The following UQCC1 variants were observed in gnomAD, a reference collection of about 807,000 sequenced individuals.
UQCC1 encodes bFGF-repressed Zic-binding protein.
Under a neutral mutation model 48.0 loss-of-function variants are expected in UQCC1, and 38 were observed. The ratio of observed to expected loss-of-function variants is 0.79; its 90% CI spans 0.61 to 1.04. UQCC1 has a LOEUF of 1.04. Among genes scored for constraint, UQCC1 ranks in the 50% least tolerant of loss-of-function variants. The pLI is 0.00. For missense variants in UQCC1, 368 were observed against 381.8 expected (o/e 0.96, Z 0.30); for synonymous variants, 111 against 129.2 (o/e 0.86, Z 0.95).
At chr20:35,306,099 C>T (rs909302452) in intron 9 of UQCC1, among the ~76,000 whole-genome samples, 4 of 152,130 alleles carry the variant, frequency 2.6e-5, no homozygotes, top group Non-Finnish European at 4.4e-5. Flanking sequence ...GTAAGCAGCC[C>T]CCACTGCGGA....
intron 2 of UQCC1, chr20:35,386,220 T>C: frequency 2.6e-6 from 1 of 391,370 alleles, no homozygotes; most frequent in African/African-American, 2.2e-5. Context: ...ATAGCCAAAA[T>C]AATTCTGGCA....
chr20:35,404,402 T>G (rs1229451461), intron 1 of UQCC1, among the ~76,000 whole-genome samples: 2 of 142,664 alleles, frequency 1.4e-5, no homozygotes, highest in African/African-American at 2.7e-5. Context: ...TAGCCGGGCA[T>G]GGTGGCAGGC....
At chr20:35,399,038 G>A (rs1221313172) in intron 1 of UQCC1, among the ~76,000 whole-genome samples, 1 of 152,106 alleles carries the variant, frequency 6.6e-6, no homozygotes, top group African/African-American at 2.4e-5. Context: ...GTAATCCCAA[G>A]TCTGCCATCA....
chr20:35,403,356 T>C (rs2062197507), intron 1 of UQCC1, among the ~76,000 whole-genome samples: 1 of 152,144 alleles, frequency 6.6e-6, no homozygotes, highest in Non-Finnish European at 1.5e-5. Context: ...TAGACATATA[T>C]ATATTTCCTA....
At chr20:35,350,284 T>C (rs1363894981) in intron 6 of UQCC1, among the ~76,000 whole-genome samples, 1 of 152,192 alleles carries the variant, frequency 6.6e-6, no homozygotes, top group Admixed American at 6.5e-5. Flanking sequence ...TGAGCCACTG[T>C]GCCTGGCCTG....
intron 6 of UQCC1, among the ~76,000 whole-genome samples, chr20:35,352,752 A>T (rs999085904): frequency 1.3e-5 from 2 of 152,176 alleles, no homozygotes; most frequent in African/African-American, 4.8e-5. Context: ...ATACAATCAC[A>T]TCTCACTGTA....
intron 8 of UQCC1, among the ~76,000 whole-genome samples, chr20:35,313,234 G>A (rs2061013478): frequency 6.6e-6 from 1 of 151,774 alleles, no homozygotes; most frequent in African/African-American, 2.4e-5. Context: ...AAATTAGCCG[G>A]GTGTGGTGGC....
intron 7 of UQCC1, among the ~76,000 whole-genome samples, chr20:35,320,545 T>A (rs1293868286): frequency 6.6e-6 from 1 of 152,186 alleles, no homozygotes; most frequent in Non-Finnish European, 1.5e-5. Context: ...TAAGAAATGC[T>A]AATGTGGTCT....
intron 2 of UQCC1, chr20:35,386,424 A>G (rs1200212469): frequency 2.3e-6 from 1 of 443,512 alleles, no homozygotes; most frequent in Admixed American, 2.6e-5. Flanking sequence ...TAATTGTGGA[A>G]TGTTACTATT....
At chr20:35,402,615 A>AATAT (rs1158481005) in intron 1 of UQCC1, among the ~76,000 whole-genome samples, 1 of 129,948 alleles carries the variant, frequency 7.7e-6, no homozygotes, top group African/African-American at 2.9e-5. Flanking sequence ...AAACAAACAA[A>AATAT]ATATATATAT....
chr20:35,313,152 A>G (rs1165271961), intron 8 of UQCC1, among the ~76,000 whole-genome samples: 1 of 152,036 alleles, frequency 6.6e-6, no homozygotes, highest in Non-Finnish European at 1.5e-5. Flanking sequence ...CGAGGCGGGC[A>G]GATCACAAGG....
At chr20:35,342,386 G>A (rs1263547819) in intron 7 of UQCC1, among the ~76,000 whole-genome samples, 2 of 152,158 alleles carry the variant, frequency 1.3e-5, no homozygotes, top group Admixed American at 1.3e-4. Context: ...TAATTTTTAT[G>A]TTTGTTTTTT....
chr20:35,327,722 G>C (rs950092001), intron 7 of UQCC1, among the ~76,000 whole-genome samples: 2 of 152,188 alleles, frequency 1.3e-5, no homozygotes, highest in Admixed American at 1.3e-4. Context: ...TGACAGAGCC[G>C]GGTGCAGTGG....
chr20:35,409,472 G>GA (rs76230585), intron 1 of UQCC1: 1,102 of 126,042 alleles, frequency 8.7e-3, no homozygotes, highest in South Asian at 0.027. Context: ...CTCCGTCTCA[G>GA]AAAAAAAAAA....
chr20:35,363,283 G>T lies in UQCC1; in HGVS notation c.464+3274C>A, dbSNP rs557218251. On this transcript the variant is annotated intron_variant, in intron 6 of 9. Transcript: ENST00000374385. ...GTGTGGGCATGATGCCAGTGGCCAA[G>T]ACAGGATATAGGGGAGGAGGCCTGC... Among the ~76,000 whole-genome samples, 5 of 152,300 alleles carry T rather than the reference G, an allele frequency of 3.3e-5. No homozygotes were observed. The East Asian group carries it at 9.7e-4, about 29-fold the overall frequency.
At chr20:35,397,446 G>A (rs543775850) in intron 1 of UQCC1, among the ~76,000 whole-genome samples, 1 of 149,344 alleles carries the variant, frequency 6.7e-6, no homozygotes, top group Admixed American at 6.7e-5. Context: ...AACCCGGGAG[G>A]CGGAGCTGGC....
At chr20:35,307,020 C>T in intron 8 of UQCC1, 1 of 536,130 alleles carries the variant, frequency 1.9e-6, no homozygotes, top group Non-Finnish European at 3.4e-6. Context: ...GGCCAAGCCA[C>T]CAGTTAGGTG....
intron 7 of UQCC1, chr20:35,344,858 G>A (rs1008246352): frequency 2.0e-5 from 3 of 152,224 alleles, no homozygotes; most frequent in Non-Finnish European, 4.4e-5. Flanking sequence ...AACCAAGGGA[G>A]GATTAGAAGG....
chr20:35,317,621 G>C (rs1423065945), intron 7 of UQCC1, among the ~76,000 whole-genome samples: 3 of 152,166 alleles, frequency 2.0e-5, no homozygotes, highest in Non-Finnish European at 4.4e-5. Context: ...AGCTGCTTAT[G>C]CACCTGTCTC....
Sources: gnomAD v4.1 joint callset for allele counts (sites outside exome capture counted in the v4.1 genomes callset) on GRCh38, gnomAD v4.1.1 for gene constraint, MANE v1.5 for transcripts, NCBI Gene and HGNC (gene_info 2026-07-23, HGNC 2026-07-21) for gene names.